PHEX: variants seen among roughly 807,000 people sequenced by gnomAD.
The protein encoded by PHEX is phosphate-regulating neutral endopeptidase PHEX.
Under a neutral mutation model 68.0 loss-of-function variants are expected in PHEX, and 16 were observed. The ratio of observed to expected loss-of-function variants is 0.24; its 90% confidence interval spans 0.16 to 0.36. The LOEUF is 0.36. Ranked by LOEUF, PHEX falls within the 10% of genes least tolerant of loss-of-function variation. PHEX has a pLI of 1.00. For missense variants in PHEX, 480 were observed against 575.5 expected (o/e 0.83, Z 1.70); for synonymous variants, 208 against 205.1 (o/e 1.01, Z -0.12).
chrX:22,199,163 T>C (rs1226671797), intron 15 of PHEX, among the ~76,000 whole-genome samples: 1 of 111,031 alleles, frequency 9.0e-6, no homozygotes, highest in Non-Finnish European at 1.9e-5. Flanking sequence ...CCATATCAAC[T>C]TCCTTAATCC....
Position 22,251,050 on chromosome X carries a change from T to C in PHEX, c.*3097T>C, listed in dbSNP as rs1299918047. 1 of 112,489 alleles carries C rather than the reference T, an allele frequency of 8.9e-6. No individual in the cohort carries two copies. Among genetic ancestry groups the C allele is most frequent in the Admixed American group, 9.4e-5 (1 of 10,626 alleles). 9.3% of individuals were successfully genotyped at this position (112,489 alleles called of 1,213,427 possible). On this transcript the variant is annotated 3_prime_UTR_variant, in exon 22 of 22. Coordinates refer to ENST00000379374, the MANE Select transcript of PHEX (RefSeq NM_000444.6). ...ATTCAATCAGTATTTCTATAATCAC[T>C]TAGCATTTGATAGGCTTCTTCCTTG...
chrX:22,066,737 A>G (rs1188737198), intron 3 of PHEX, among the ~76,000 whole-genome samples: 1 of 112,128 alleles, frequency 8.9e-6, no homozygotes, highest in Non-Finnish European at 1.9e-5. Flanking sequence ...AGCCAGGAAT[A>G]GAACCCCTCC....
chrX:22,227,486 C>G (rs1935545902), intron 19 of PHEX, 21 bp from the exon 20 acceptor site: 1 of 1,096,044 alleles, frequency 9.1e-7, no homozygotes, highest in African/African-American at 1.8e-5. Flanking sequence ...AGAGACTCAT[C>G]TCTTCTTCTT....
At chrX:22,101,799 C>T (rs1365520285) in intron 9 of PHEX, among the ~76,000 whole-genome samples, 1 of 111,324 alleles carries the variant, frequency 9.0e-6, no homozygotes, top group East Asian at 2.8e-4. Flanking sequence ...TAGCTATATA[C>T]CCAGAAGGAA....
intron 20 of PHEX, among the ~76,000 whole-genome samples, chrX:22,232,316 G>T (rs1000593917): frequency 1.8e-5 from 2 of 110,662 alleles, no homozygotes; most frequent in African/African-American, 6.6e-5. Flanking sequence ...TTCAAGTTCT[G>T]GATATCCTTG....
Position 22,032,968 on chromosome X carries a change from A to C in PHEX, c.-38A>C, listed in dbSNP as rs752602189. The C allele has an allele frequency of 1.9e-6, 2 of 1,076,195 alleles. No homozygotes were observed. The highest frequency in any genetic ancestry group is 3.7e-5 in the South Asian group (2 of 54,247). 88.7% of individuals were successfully genotyped at this position (1,076,195 alleles called of 1,213,427 possible). A position where few individuals can be genotyped will look rare whatever the true frequency, so the allele number is the denominator to read the frequency against. ...TGAGACCAGCCACCAAACCACGAAA[A>C]GTGACTTTCTTCTCGTGTGCTCTCT... On this transcript the variant is annotated 5_prime_UTR_variant, in exon 1 of 22. Coordinates refer to ENST00000379374, the MANE Select transcript of PHEX (RefSeq NM_000444.6).
intron 16 of PHEX, among the ~76,000 whole-genome samples, chrX:22,217,972 G>A (rs1277893842): frequency 9.0e-6 from 1 of 110,726 alleles, no homozygotes; most frequent in Admixed American, 9.6e-5. Context: ...ACTGAGCTGA[G>A]ACAGCTGCTC....
chrX:22,180,388 C>T (rs947442750), intron 14 of PHEX, among the ~76,000 whole-genome samples: 3 of 110,981 alleles, frequency 2.7e-5, no homozygotes, highest in Non-Finnish European at 3.8e-5. Flanking sequence ...GCTTATTTGG[C>T]CCTTCTATTA....
rs1936497999 is a variant in PHEX, at chrX:22,249,453, AAAATATATATATAT to A, written c.*1502_*1515del. 1.4e-4 allele frequency: 4 copies of A among 28,071 alleles called. No homozygotes were observed. Among genetic ancestry groups the A allele is most frequent in the African/African-American group, 8.3e-4 (4 of 4,830 alleles). The allele number at this position is 28,071 out of a possible 1,213,427, so 2.3% of individuals were successfully genotyped here. A position where few individuals can be genotyped will look rare whatever the true frequency, so the allele number is the denominator to read the frequency against. On this transcript the variant is annotated 3_prime_UTR_variant, in exon 22 of 22. Coordinates refer to ENST00000379374, the MANE Select transcript of PHEX (RefSeq NM_000444.6). ...ATTTGTGATTCTTTTAAAAAAAAAA[AAAATATATATATAT>A]ATATATATATATATATATATGTATA...
intron 15 of PHEX, among the ~76,000 whole-genome samples, chrX:22,202,255 G>T (rs987647504): frequency 1.8e-5 from 2 of 111,706 alleles, no homozygotes; most frequent in African/African-American, 6.5e-5. Flanking sequence ...GTTCAATTGA[G>T]AAAACACCTT....
At chrX:22,160,784 CTGAT>C (rs1230626218) in intron 12 of PHEX, among the ~76,000 whole-genome samples, 2 of 111,005 alleles carry the variant, frequency 1.8e-5, no homozygotes, top group African/African-American at 6.6e-5. Flanking sequence ...TAAGTATTTG[CTGAT>C]TGATTGAAAT....
intron 20 of PHEX, among the ~76,000 whole-genome samples, chrX:22,239,422 C>T (rs900383376): frequency 2.7e-5 from 3 of 110,694 alleles, no homozygotes; most frequent in Admixed American, 9.7e-5. Context: ...CTTCAGAAGG[C>T]GGGTGACAAC....
At chrX:22,038,425 T>C in intron 1 of PHEX, 44 bp from the exon 2 acceptor site, 1 of 855,337 alleles carries the variant, frequency 1.2e-6, no homozygotes, top group South Asian at 2.0e-5. Flanking sequence ...TACCGGATGG[T>C]GGTCTGCTAC....
chrX:22,085,338 G>A (rs1409410579), intron 5 of PHEX, among the ~76,000 whole-genome samples: 1 of 111,188 alleles, frequency 9.0e-6, no homozygotes, highest in Non-Finnish European at 1.9e-5. Flanking sequence ...ACTATGGGAG[G>A]TCGAGGCAGG....
chrX:22,105,558 C>T (rs1196948658), intron 9 of PHEX, among the ~76,000 whole-genome samples: 1 of 111,620 alleles, frequency 9.0e-6, no homozygotes, highest in Non-Finnish European at 1.9e-5. Flanking sequence ...AGATCTCTGG[C>T]TTTGAGAACC....
At chrX:22,147,356 C>T (rs774562809) in intron 12 of PHEX, among the ~76,000 whole-genome samples, 1 of 110,804 alleles carries the variant, frequency 9.0e-6, no homozygotes, top group East Asian at 2.8e-4. Flanking sequence ...AACTAATAGC[C>T]ACAATGTGTC....
At chrX:22,072,082 G>A (rs897176816) in intron 3 of PHEX, among the ~76,000 whole-genome samples, 10 of 112,791 alleles carry the variant, frequency 8.9e-5, no homozygotes, top group African/African-American at 2.6e-4. Flanking sequence ...CAAAAAGTTA[G>A]CTGGGCATGG....
At chrX:22,195,488 G>A (rs1264026684) in intron 15 of PHEX, among the ~76,000 whole-genome samples, 3 of 109,833 alleles carry the variant, frequency 2.7e-5, no homozygotes, top group African/African-American at 9.9e-5. Flanking sequence ...CTAGCTGCTC[G>A]GGAGGCTGAG....
intron 18 of PHEX, among the ~76,000 whole-genome samples, chrX:22,222,598 C>G (rs1935306094): frequency 8.9e-6 from 1 of 111,820 alleles, no homozygotes; most frequent in African/African-American, 3.3e-5. Context: ...TCCTTCGTGA[C>G]ATACTCATTA....
Sources: allele counts gnomAD v4.1 joint callset (sites outside exome capture counted in the v4.1 genomes callset), GRCh38; gene constraint gnomAD v4.1.1; transcripts MANE v1.5; gene names NCBI Gene and HGNC (gene_info 2026-07-23, HGNC 2026-07-21).